Variants in PTPRM observed in about 807,000 individuals in gnomAD.
PTPRM encodes protein tyrosine phosphatase receptor type M.
Under a neutral mutation model 186.7 loss-of-function variants are expected in PTPRM, and 47 were observed. The ratio of observed to expected loss-of-function variants is 0.25; its 90% confidence interval spans 0.20 to 0.32. The LOEUF is 0.32. PTPRM is among the 10% of genes least tolerant of loss of function. PTPRM has a pLI of 1.00. For synonymous variants in PTPRM, 668 were observed against 674.9 expected (o/e 0.99, Z 0.16); for missense variants, 1,494 against 1,865.0 (o/e 0.80, Z 3.66).
chr18:7,763,266 A>G (rs1412024766), intron 1 of PTPRM, among the ~76,000 whole-genome samples: 1 of 152,196 alleles, frequency 6.6e-6, no homozygotes, highest in Non-Finnish European at 1.5e-5. Flanking sequence ...ATGTCACACT[A>G]AGCAAAGCCT....
At chr18:8,001,214 C>T (rs1305002663) in intron 7 of PTPRM, among the ~76,000 whole-genome samples, 7 of 152,178 alleles carry the variant, frequency 4.6e-5, no homozygotes, top group African/African-American at 1.7e-4. Context: ...TTGCAAGTCT[C>T]TGCTGAGAAG....
intron 1 of PTPRM, among the ~76,000 whole-genome samples, chr18:7,610,525 T>G (rs939703673): frequency 6.6e-6 from 1 of 152,248 alleles, no homozygotes; most frequent in Non-Finnish European, 1.5e-5. Context: ...GGAGACAGGC[T>G]GGGGTATAAT....
intron 1 of PTPRM, among the ~76,000 whole-genome samples, chr18:7,624,141 T>C (rs1458882008): frequency 2.6e-5 from 4 of 152,200 alleles, no homozygotes; most frequent in African/African-American, 9.6e-5. Context: ...TGAAGCAAAG[T>C]GATTTGCCTG....
chr18:7,754,289 A>G (rs1264039278), intron 1 of PTPRM, among the ~76,000 whole-genome samples: 1 of 152,234 alleles, frequency 6.6e-6, no homozygotes, highest in Non-Finnish European at 1.5e-5. Context: ...TAAGCAGTTT[A>G]AAGAGACCCT....
intron 7 of PTPRM, among the ~76,000 whole-genome samples, chr18:8,018,961 C>A (rs2085045135): frequency 6.6e-6 from 1 of 152,166 alleles, no homozygotes; most frequent in Non-Finnish European, 1.5e-5. Flanking sequence ...GTTAATTTTC[C>A]CATCCGTAAT....
intron 14 of PTPRM, among the ~76,000 whole-genome samples, chr18:8,200,825 C>T (rs889041612): frequency 3.3e-5 from 5 of 152,116 alleles, no homozygotes; most frequent in South Asian, 4.1e-4. Context: ...GTAAAAAACA[C>T]GAAGCCTTTT....
intron 1 of PTPRM, among the ~76,000 whole-genome samples, chr18:7,722,249 A>T (rs1041991319): frequency 1.3e-5 from 2 of 152,226 alleles, no homozygotes; most frequent in Admixed American, 6.5e-5. Flanking sequence ...GGAATCATAC[A>T]GTGTATAGTC....
intron 8 of PTPRM, among the ~76,000 whole-genome samples, chr18:8,075,275 TA>T (rs2089737163): frequency 6.6e-6 from 1 of 152,118 alleles, no homozygotes; most frequent in Non-Finnish European, 1.5e-5. Context: ...TCTATATATA[TA>T]TATCTTTATC....
At chr18:7,851,959 G>A (rs753508871) in intron 2 of PTPRM, among the ~76,000 whole-genome samples, 5 of 152,160 alleles carry the variant, frequency 3.3e-5, no homozygotes, top group African/African-American at 7.2e-5. Context: ...TGTACAAACT[G>A]ATATTGAACT....
intron 20 of PTPRM, among the ~76,000 whole-genome samples, chr18:8,303,592 T>C (rs1353969130): frequency 6.6e-6 from 1 of 152,002 alleles, no homozygotes; most frequent in Non-Finnish European, 1.5e-5. Flanking sequence ...ACACAATATG[T>C]TTAGGAAGGC....
intron 31 of PTPRM, among the ~76,000 whole-genome samples, chr18:8,390,545 A>T (rs2095804339): frequency 6.6e-6 from 1 of 152,230 alleles, no homozygotes. Context: ...ACAATGTCGA[A>T]GAACTGCTGT....
chr18:8,265,679 A>G (rs1440235648), intron 19 of PTPRM, among the ~76,000 whole-genome samples: 3 of 152,206 alleles, frequency 2.0e-5, no homozygotes, highest in Non-Finnish European at 4.4e-5. Context: ...TTTTCAAATA[A>G]CAGTGCTGTG....
intron 14 of PTPRM, among the ~76,000 whole-genome samples, chr18:8,182,930 G>A (rs2093595899): frequency 6.6e-6 from 1 of 152,140 alleles, no homozygotes; most frequent in Admixed American, 6.6e-5. Context: ...CCTGTTGGAG[G>A]GAGAACAGTG....
intron 2 of PTPRM, among the ~76,000 whole-genome samples, chr18:7,809,795 A>G (rs1437159915): frequency 6.6e-6 from 1 of 152,116 alleles, no homozygotes; most frequent in Non-Finnish European, 1.5e-5. Context: ...CTTCCCTTTG[A>G]GTTTAAGATG....
intron 1 of PTPRM, among the ~76,000 whole-genome samples, chr18:7,727,284 A>G (rs1568057714): frequency 1.3e-5 from 2 of 152,186 alleles, no homozygotes; most frequent in Admixed American, 6.5e-5. Context: ...CAAGATCCTT[A>G]GGAGAAAAGG....
At chr18:7,714,589 T>G (rs906927447) in intron 1 of PTPRM, among the ~76,000 whole-genome samples, 2 of 151,976 alleles carry the variant, frequency 1.3e-5, no homozygotes, top group Non-Finnish European at 2.9e-5. Flanking sequence ...ATATGGTTTT[T>G]TGGACAGATC....
Position 8,112,979 on chromosome 18 carries a change from A to G in PTPRM, c.1857-507A>G, listed in dbSNP as rs554998570. Among the ~76,000 whole-genome samples, 14 of 152,366 alleles carry G rather than the reference A, an allele frequency of 9.2e-5. No individual in the cohort carries two copies. In the South Asian group the frequency reaches 2.5e-3, roughly 27 times the overall value. ...CGGTGAGTGCAAAGGAACATAAGAA[A>G]ACATAGGAAGATAAACCTTAGTTAA... On this transcript the variant is annotated intron_variant, in intron 11 of 32. Coordinates refer to ENST00000580170, the MANE Select transcript of PTPRM (RefSeq NM_001105244.2).
intron 7 of PTPRM, among the ~76,000 whole-genome samples, chr18:8,055,836 C>T (rs553537194): frequency 2.8e-4 from 42 of 152,152 alleles, no homozygotes; most frequent in Non-Finnish European, 4.3e-4. Context: ...CACTGTTATT[C>T]GTATGAGATT....
chr18:8,122,321 G>C (rs1278211708), intron 13 of PTPRM: 1 of 152,620 alleles, frequency 6.6e-6, no homozygotes, highest in African/African-American at 2.4e-5. Context: ...TAACAGGTCA[G>C]ATGTTCAAGT....
Sources: gnomAD v4.1 joint callset for allele counts (sites outside exome capture counted in the v4.1 genomes callset) on GRCh38, gnomAD v4.1.1 for gene constraint, MANE v1.5 for transcripts, NCBI Gene and HGNC (gene_info 2026-07-23, HGNC 2026-07-21) for gene names.